The following RAB33A variants were observed in gnomAD, a reference collection of about 807,000 sequenced individuals.
RAB33A encodes ras-related protein Rab-33A.
In RAB33A, 6 loss-of-function variants were observed where a neutral mutation model predicts 12.0. That is an observed-to-expected ratio of 0.50 (90% CI 0.27 to 0.99). The LOEUF is 0.99. Among genes scored for constraint, RAB33A ranks in the 50% least tolerant of loss-of-function variants. RAB33A has a pLI of 0.11. For synonymous variants in RAB33A, 70 were observed against 82.4 expected, an observed-to-expected ratio of 0.85 and a Z score of 0.81; for missense variants, 109 against 192.0, an observed-to-expected ratio of 0.57 and a Z score of 2.55.
intron 1 of RAB33A, among the ~76,000 whole-genome samples, chrX:130,182,838 C>G (rs2124688378): frequency 8.9e-6 from 1 of 112,155 alleles, no homozygotes; most frequent in Non-Finnish European, 1.9e-5. Context: ...GTTTCTCTTA[C>G]AATTTAGTCT....
chrX:130,152,305 C>G, the RAB33A span, among the ~76,000 whole-genome samples: 2 of 110,502 alleles, frequency 1.8e-5, no homozygotes, highest in African/African-American at 6.6e-5. Flanking sequence ...CAAGAAATAT[C>G]TAGAGGTTTA....
At chrX:130,157,395 A>T in the RAB33A span, among the ~76,000 whole-genome samples, 1 of 112,136 alleles carries the variant, frequency 8.9e-6, no homozygotes, top group Non-Finnish European at 1.9e-5. Context: ...GGAAGGTCTC[A>T]GTCTCTGATT....
At chrX:130,149,895 TAGAAA>T in the RAB33A span, among the ~76,000 whole-genome samples, 1 of 112,258 alleles carries the variant, frequency 8.9e-6, no homozygotes, top group South Asian at 3.6e-4. Flanking sequence ...AATAAAGTGC[TAGAAA>T]GGGCTAATCT....
the RAB33A span, among the ~76,000 whole-genome samples, chrX:130,127,691 CT>C: frequency 7.3e-4 from 56 of 76,941 alleles, no homozygotes; most frequent in East Asian, 2.4e-3. Context: ...ATGAGTTTTC[CT>C]TTTTTTTTTT....
chrX:130,160,842 A>G, the RAB33A span, among the ~76,000 whole-genome samples: 2 of 110,060 alleles, frequency 1.8e-5, no homozygotes, highest in Non-Finnish European at 3.8e-5. Context: ...CACGAGTTTG[A>G]GACCAGCCTG....
chrX:130,154,493 G>C, the RAB33A span, among the ~76,000 whole-genome samples: 1 of 112,466 alleles, frequency 8.9e-6, no homozygotes, highest in Non-Finnish European at 1.9e-5. Context: ...TCTGAATTAC[G>C]AATGAGAGGC....
At chrX:130,121,113 G>T in the RAB33A span, among the ~76,000 whole-genome samples, 1 of 112,615 alleles carries the variant, frequency 8.9e-6, no homozygotes. Flanking sequence ...GCGGCCTCCT[G>T]CCCTGGGCGC....
chrX:130,176,844 G>A (rs992667787), intron 1 of RAB33A, among the ~76,000 whole-genome samples: 12 of 111,739 alleles, frequency 1.1e-4, no homozygotes, highest in African/African-American at 3.9e-4. Context: ...ATCCACTGGG[G>A]CATGCTCCAG....
chrX:130,171,852 T>G, upstream of RAB33A: 1 of 411,836 alleles, frequency 2.4e-6, no homozygotes. Flanking sequence ...GAGGGTGCGC[T>G]GGAGGAGGAG....
At chrX:130,128,486 C>T in the RAB33A span, among the ~76,000 whole-genome samples, 3 of 111,563 alleles carry the variant, frequency 2.7e-5, no homozygotes, top group African/African-American at 9.8e-5. Context: ...GCAGCAGAAT[C>T]ACTTGAATCC....
At chrX:130,135,614 A>T in the RAB33A span, among the ~76,000 whole-genome samples, 1 of 110,808 alleles carries the variant, frequency 9.0e-6, no homozygotes, top group Non-Finnish European at 1.9e-5. Context: ...ATTGTAAAAA[A>T]CAGCTAAAAA....
At chrX:130,115,725 GA>G in the RAB33A span, among the ~76,000 whole-genome samples, 2 of 110,806 alleles carry the variant, frequency 1.8e-5, no homozygotes, top group Non-Finnish European at 3.8e-5. Flanking sequence ...AAGAAAGAAA[GA>G]AAGAAAGAAA....
upstream of RAB33A, among the ~76,000 whole-genome samples, chrX:130,171,187 T>C (rs1979213581): frequency 8.8e-6 from 1 of 113,114 alleles, no homozygotes; most frequent in Admixed American, 9.2e-5. Context: ...TCCTCTCAGC[T>C]GTACAGGCCC....
chrX:130,139,992 T>A, the RAB33A span: 2 of 619,252 alleles, frequency 3.2e-6, no homozygotes, highest in Non-Finnish European at 5.4e-6. Flanking sequence ...AACAACAGGA[T>A]AGGATACCAA....
At chrX:130,118,456 C>T in the RAB33A span, among the ~76,000 whole-genome samples, 1 of 112,956 alleles carries the variant, frequency 8.9e-6, no homozygotes, top group African/African-American at 3.2e-5. Flanking sequence ...GAAACATTTG[C>T]TAGACAGAGG....
chrX:130,146,599 T>C, the RAB33A span, among the ~76,000 whole-genome samples: 2 of 109,271 alleles, frequency 1.8e-5, no homozygotes, highest in African/African-American at 6.7e-5. Flanking sequence ...TTTGTAAAAT[T>C]TGGTCAGGTA....
At chrX:130,137,609 T>G in the RAB33A span, 2 of 1,134,355 alleles carry the variant, frequency 1.8e-6, no homozygotes, top group East Asian at 3.3e-5. Context: ...AACCATCATG[T>G]GCCCAAAGAA....
the RAB33A span, among the ~76,000 whole-genome samples, chrX:130,119,148 CTG>C: frequency 9.0e-6 from 1 of 110,975 alleles, no homozygotes; most frequent in African/African-American, 3.3e-5. Flanking sequence ...AAGGATGAAA[CTG>C]AAACCGAGAC....
At chrX:130,165,630 C>G in the RAB33A span, 3 of 1,201,471 alleles carry the variant, frequency 2.5e-6, no homozygotes, top group Non-Finnish European at 1.1e-6. Context: ...TCAAAGCACC[C>G]GCCGCCAGGC....
Sources: allele counts gnomAD v4.1 joint callset (sites outside exome capture counted in the v4.1 genomes callset), GRCh38; gene constraint gnomAD v4.1.1; transcripts MANE v1.5; gene names NCBI Gene and HGNC (gene_info 2026-07-23, HGNC 2026-07-21).